The following YPEL2 variants were observed in gnomAD, a reference collection of about 807,000 sequenced individuals.
YPEL2 encodes the protein protein yippee-like 2.
A neutral mutation model predicts 19.1 loss-of-function variants in YPEL2; 2 were observed. The observed-to-expected ratio is 0.10, with a 90% CI of 0.04 to 0.33. YPEL2 has a LOEUF of 0.33. Ranked by LOEUF, YPEL2 falls within the 10% of genes least tolerant of loss-of-function variation. The pLI is 1.00. For synonymous variants in YPEL2, 52 were observed against 50.0 expected, an observed-to-expected ratio of 1.04 and a Z score of -0.17; for missense variants, 66 against 140.7, an observed-to-expected ratio of 0.47 and a Z score of 2.68.
chr17:59,336,394 T>G (rs2047699003), intron 1 of YPEL2, among the ~76,000 whole-genome samples: 1 of 152,218 alleles, frequency 6.6e-6, no homozygotes. Context: ...GTTTGTTTTC[T>G]TCTAACAAAT....
intron 1 of YPEL2, among the ~76,000 whole-genome samples, chr17:59,349,706 A>AT (rs1567735700): frequency 6.6e-6 from 1 of 151,576 alleles, no homozygotes; most frequent in African/African-American, 2.4e-5. Context: ...CTGTCACCAG[A>AT]CTGGAGTGCA....
intron 2 of YPEL2, chr17:59,362,719 G>C (rs2047847576): frequency 6.6e-6 from 1 of 152,176 alleles, no homozygotes; most frequent in Non-Finnish European, 1.5e-5. Flanking sequence ...TTCCCAGTCA[G>C]AAATCCAAAG....
chr17:59,378,972 T>C (rs2047935765), intron 2 of YPEL2, among the ~76,000 whole-genome samples: 1 of 152,170 alleles, frequency 6.6e-6, no homozygotes, highest in Non-Finnish European at 1.5e-5. Context: ...TACAGTGGCT[T>C]TGTTCTATCC....
At chr17:59,344,360 TCAAA>T (rs369199362) in intron 1 of YPEL2, among the ~76,000 whole-genome samples, 5 of 152,164 alleles carry the variant, frequency 3.3e-5, no homozygotes, top group African/African-American at 1.2e-4. Context: ...AGATTGAGGC[TCAAA>T]CAGAGAGGTA....
At chr17:59,334,534 A>G (rs1458249767) in intron 1 of YPEL2, among the ~76,000 whole-genome samples, 1 of 150,826 alleles carries the variant, frequency 6.6e-6, no homozygotes, top group Admixed American at 6.6e-5. Flanking sequence ...CTTGTTAGGC[A>G]TCCAGTTTCT....
intron 1 of YPEL2, among the ~76,000 whole-genome samples, chr17:59,335,741 G>A (rs923532025): frequency 2.6e-5 from 4 of 152,054 alleles, no homozygotes; most frequent in Non-Finnish European, 4.4e-5. Context: ...TGGAGACGGG[G>A]TTTCACCATA....
At chr17:59,390,894 T>C (rs1169990409) in intron 4 of YPEL2, among the ~76,000 whole-genome samples, 2 of 152,246 alleles carry the variant, frequency 1.3e-5, no homozygotes, top group African/African-American at 2.4e-5. Context: ...GCTTCTATGC[T>C]AAGTTTCCTC....
intron 1 of YPEL2, among the ~76,000 whole-genome samples, chr17:59,346,785 C>T (rs766710416): frequency 3.7e-4 from 57 of 152,066 alleles, no homozygotes; most frequent in Non-Finnish European, 2.5e-4. Context: ...CCACTAAGCC[C>T]GGTGTTGAGG....
At chr17:59,341,047 G>A (rs1347511616) in intron 1 of YPEL2, among the ~76,000 whole-genome samples, 20 of 146,232 alleles carry the variant, frequency 1.4e-4, no homozygotes, top group Middle Eastern at 3.6e-3. Context: ...TAAGGTGGCC[G>A]GGCGCGGTGG....
intron 1 of YPEL2, among the ~76,000 whole-genome samples, chr17:59,338,992 C>G (rs985047617): frequency 6.6e-6 from 1 of 152,184 alleles, no homozygotes; most frequent in Non-Finnish European, 1.5e-5. Context: ...GTGCTTGATC[C>G]CTCTGGCAGG....
intron 2 of YPEL2, among the ~76,000 whole-genome samples, chr17:59,376,906 A>G (rs8071771): frequency 0.65 from 92,668 of 143,548 alleles, 31,286 homozygotes; most frequent in African/African-American, 0.86. Context: ...CAGAGATGGC[A>G]CCACTGCACT....
At chr17:59,344,004 T>C (rs1019277163) in intron 1 of YPEL2, among the ~76,000 whole-genome samples, 3 of 151,906 alleles carry the variant, frequency 2.0e-5, no homozygotes, top group African/African-American at 7.3e-5. Context: ...AAATGAAGTA[T>C]GACATAGAAG....
rs3835025 is a variant in YPEL2, at chr17:59,400,486, GTT to G, written c.*3309_*3310del. 6.5e-3 allele frequency: 951 copies of G among 145,502 alleles called. 5 individuals are homozygous for G. The highest frequency in any genetic ancestry group is 9.7e-3 in the Non-Finnish European group (641 of 66,046). The allele number at this position is 145,502 out of a possible 1,614,324, so 9.0% of individuals were successfully genotyped here. A position where few individuals can be genotyped will look rare whatever the true frequency, so the allele number is the denominator to read the frequency against. The stretch of plus-strand genomic sequence containing the variant: ...CAGTGATCACCAATACATGTTTTCA[GTT>G]TTTTTTTTTTTTAAGGTCTCTATCA... On this transcript the variant is annotated 3_prime_UTR_variant, in exon 5 of 5. Transcript: ENST00000312655.
intron 2 of YPEL2, among the ~76,000 whole-genome samples, chr17:59,375,866 C>G (rs755390634): frequency 2.6e-5 from 4 of 152,184 alleles, no homozygotes; most frequent in Non-Finnish European, 4.4e-5. Context: ...CCTCCTTCAT[C>G]AGAGAGACAG....
At chr17:59,348,843 A>T (rs1219836298) in intron 1 of YPEL2, among the ~76,000 whole-genome samples, 1 of 152,148 alleles carries the variant, frequency 6.6e-6, no homozygotes, top group Non-Finnish European at 1.5e-5. Context: ...AAAGTTCAAA[A>T]ATTAGAATGA....
intron 2 of YPEL2, among the ~76,000 whole-genome samples, chr17:59,387,222 G>GCA (rs1333990537): frequency 1.5e-5 from 2 of 130,434 alleles, no homozygotes; most frequent in Non-Finnish European, 3.1e-5. Flanking sequence ...TCGCGCAACT[G>GCA]CACTCTGGTC....
intron 4 of YPEL2, among the ~76,000 whole-genome samples, chr17:59,394,334 G>A (rs868629049): frequency 2.9e-4 from 44 of 151,588 alleles, no homozygotes; most frequent in Middle Eastern, 7.0e-3. Context: ...CTTCCCAGAC[G>A]GGGTCGCGGC....
intron 1 of YPEL2, among the ~76,000 whole-genome samples, chr17:59,335,473 A>C (rs967688961): frequency 3.3e-5 from 5 of 151,870 alleles, no homozygotes; most frequent in African/African-American, 1.2e-4. Flanking sequence ...CGCCTTTCTG[A>C]GGTTTCTGAA....
intron 4 of YPEL2, among the ~76,000 whole-genome samples, chr17:59,394,819 G>A (rs1430066889): frequency 6.6e-6 from 1 of 152,262 alleles, no homozygotes; most frequent in Non-Finnish European, 1.5e-5. Context: ...GAGTGAACCA[G>A]ACTCCGTCTG....
Sources: gnomAD v4.1 joint callset for allele counts (sites outside exome capture counted in the v4.1 genomes callset) on GRCh38, gnomAD v4.1.1 for gene constraint, MANE v1.5 for transcripts, NCBI Gene and HGNC (gene_info 2026-07-23, HGNC 2026-07-21) for gene names.